Variants in ZNF254 observed in about 807,000 individuals in gnomAD.
The protein encoded by ZNF254 is zinc finger protein 254.
ZNF254 carries 10 observed loss-of-function variants against 12.4 expected under a neutral mutation model. That is an observed-to-expected ratio of 0.80 (90% CI 0.50 to 1.36). ZNF254 has a LOEUF of 1.36. Ranked by LOEUF, ZNF254 falls within the 40% of genes most tolerant of loss-of-function variation. ZNF254 has a pLI of 0.00. For synonymous variants in ZNF254, 305 were observed against 253.4 expected (o/e 1.20, Z -1.93); for missense variants, 996 against 763.9 (o/e 1.30, Z -3.58).
upstream of ZNF254, among the ~76,000 whole-genome samples, chr19:24,083,044 G>A (rs1447088508): frequency 1.3e-5 from 2 of 152,216 alleles, no homozygotes; most frequent in South Asian, 2.1e-4. Context: ...GTTCACTGAT[G>A]TTACAATCAT....
At chr19:24,062,282 T>G (rs1232674566) in intron 2 of ZNF254, among the ~76,000 whole-genome samples, 1 of 152,076 alleles carries the variant, frequency 6.6e-6, no homozygotes, top group African/African-American at 2.4e-5. Flanking sequence ...GTTTTTAGGA[T>G]TGTCATCCTC....
Position 24,126,542 on chromosome 19 carries a change from CT to C in ZNF254, c.545del (p.Phe182SerfsTer77). On this transcript the variant is annotated frameshift_variant, in exon 4 of 4. Coordinates refer to ENST00000357002, the MANE Select transcript of ZNF254 (RefSeq NM_203282.4). LOFTEE classifies it low-confidence loss of function (END_TRUNC). ...RPKIRHTEKK[S>X]FKCKKRVKLF... Reference sequence around the variant, plus strand: ...AAGATAAGACATACTGAAAAGAAATCTTTCAAATGTAAAAAACGTGTCAAAT... The same window carrying C: ...AAGATAAGACATACTGAAAAGAAATCTTCAAATGTAAAAAACGTGTCAAAT... The C allele has an allele frequency of 1.2e-6, 2 of 1,601,738 alleles. No individual in the cohort carries two copies. The highest frequency in any genetic ancestry group is 1.8e-5 in the Admixed American group (1 of 56,812).
chr19:24,107,801 A>G lies in ZNF254; in HGVS notation c.253+1158A>G, dbSNP rs905531450. Among the ~76,000 whole-genome samples, 8 of 152,220 alleles carry G rather than the reference A, an allele frequency of 5.3e-5. No homozygotes were observed. The South Asian group carries it at 1.0e-3, about 20-fold the overall frequency. On this transcript the variant is annotated intron_variant, in intron 3 of 3. Coordinates refer to ENST00000357002, the MANE Select transcript of ZNF254 (RefSeq NM_203282.4). ...TTTCTATAAACTGGTTTCAGAAAGTAAAAATGTGTTTTTGTTGGGCCCCCA... is the reference window on the plus strand; with the variant it reads ...TTTCTATAAACTGGTTTCAGAAAGTGAAAATGTGTTTTTGTTGGGCCCCCA...
chr19:24,092,573 A>G (rs1283120607), intron 1 of ZNF254, among the ~76,000 whole-genome samples: 2 of 151,008 alleles, frequency 1.3e-5, no homozygotes, highest in East Asian at 3.9e-4. Context: ...TAGAGATGGG[A>G]TTTTTCCATG....
chr19:24,127,141 T>C lies in ZNF254; in HGVS notation c.1141T>C (p.Leu381=). The C allele has an allele frequency of 6.2e-7, 1 of 1,610,282 alleles. No homozygotes were observed. The highest frequency in any genetic ancestry group is 1.1e-5 in the South Asian group (1 of 90,884). ...TACTGGAGAGAAACGCTACAAATGC[T>C]TAGAATGTGGCAAAGCTTTTAAGCA... is the stretch of plus-strand genomic sequence containing the variant. ...IHTGEKRYKC[L]ECGKAFKQLS... Residue 381 remains leucine (L), a synonymous_variant, in exon 4 of 4, where the codon TTA becomes CTA. Coordinates refer to ENST00000357002, the MANE Select transcript of ZNF254 (RefSeq NM_203282.4).
intron 3 of ZNF254, among the ~76,000 whole-genome samples, chr19:24,119,644 A>C (rs1207640168): frequency 6.6e-6 from 1 of 151,970 alleles, no homozygotes; most frequent in African/African-American, 2.4e-5. Flanking sequence ...GTGTAGCTTC[A>C]TGTCCTCCCA....
At chr19:24,084,450 C>T (rs186216376), upstream of ZNF254, among the ~76,000 whole-genome samples, 13 of 151,910 alleles carry the variant, frequency 8.6e-5, no homozygotes, top group African/African-American at 2.9e-4. Context: ...ATATTGGGTA[C>T]AGTGCACACT....
chr19:24,040,876 GGTATTAGAT>G (rs1970129214), intron 1 of ZNF254, among the ~76,000 whole-genome samples: 1 of 152,220 alleles, frequency 6.6e-6, no homozygotes, highest in Non-Finnish European at 1.5e-5. Context: ...TTGCAATAAA[GGTATTAGAT>G]GTAAGGGACT....
chr19:24,069,307 A>G (rs771752311), intron 2 of ZNF254, among the ~76,000 whole-genome samples: 1 of 149,776 alleles, frequency 6.7e-6, no homozygotes, highest in Non-Finnish European at 1.5e-5. Context: ...CTCCCAGCCC[A>G]AGATTGTGTT....
At chr19:24,049,181 G>GT (rs1477205906) in intron 2 of ZNF254, among the ~76,000 whole-genome samples, 1 of 31,846 alleles carries the variant, frequency 3.1e-5, no homozygotes, top group Admixed American at 3.8e-4. Flanking sequence ...TCAGGCTCTG[G>GT]TTTTATATAT....
At chr19:24,080,093 TC>T (rs1180880029) in intron 2 of ZNF254, 5 of 152,100 alleles carry the variant, frequency 3.3e-5, no homozygotes, top group Non-Finnish European at 4.4e-5. Flanking sequence ...CAGCTATGGG[TC>T]CCCAAACTTC....
Position 24,127,770 on chromosome 19 carries a change from T to TAA in ZNF254, c.1772_1773dup (p.His592AsnfsTer4), listed in dbSNP as rs781602215. The TAA allele has an allele frequency of 5.0e-6, 8 of 1,612,210 alleles. No individual in the cohort carries two copies. The highest frequency in any genetic ancestry group is 3.3e-4 in the Middle Eastern group (2 of 6,070). ...CTTTTAACCGGTCTTCAACTTTTAC[T>TAA]AAACATAAGGTAATTCATACTGGAG... On this transcript the variant is annotated frameshift_variant, in exon 4 of 4. Coordinates refer to ENST00000357002, the MANE Select transcript of ZNF254 (RefSeq NM_203282.4). LOFTEE classifies it low-confidence loss of function (END_TRUNC).
Position 24,126,695 on chromosome 19 carries a change from A to T in ZNF254, c.695A>T (p.Tyr232Phe). ...SSTLTNHRKI[Y>F]TEEKPYKCEE... is the part of the protein sequence containing the mutation. ...ACCCTTACTAATCATAGGAAAATTTATACTGAAGAGAAACCTTACAAATGT... is the reference window on the plus strand; with the variant it reads ...ACCCTTACTAATCATAGGAAAATTTTTACTGAAGAGAAACCTTACAAATGT... The change falls in exon 4 of 4, where the codon TAT becomes TTT. Residue 232 changes from tyrosine (Y) to phenylalanine (F), a missense_variant. Transcript: ENST00000357002. 6.2e-7 allele frequency: 1 copy of T among 1,613,472 alleles called. No individual in the cohort carries two copies. The highest frequency in any genetic ancestry group is 2.2e-5 in the East Asian group (1 of 44,822).
At chr19:24,111,305 GTATTC>G (rs1376043793) in intron 3 of ZNF254, among the ~76,000 whole-genome samples, 5 of 152,126 alleles carry the variant, frequency 3.3e-5, no homozygotes, top group African/African-American at 1.2e-4. Flanking sequence ...TGGCTGCATA[GTATTC>G]CATGGTGTAT....
At chr19:24,039,512 C>T (rs1970083954) in intron 1 of ZNF254, among the ~76,000 whole-genome samples, 1 of 152,148 alleles carries the variant, frequency 6.6e-6, no homozygotes, top group East Asian at 1.9e-4. Flanking sequence ...GCAACCTCTG[C>T]CTCCCTGGTT....
rs761465399 is a variant in ZNF254, at chr19:24,126,519, G to A, written c.519G>A (p.Lys173=). Residue 173 remains lysine (K), a synonymous_variant, in exon 4 of 4, where the codon AAG becomes AAA. Coordinates refer to ENST00000357002, the MANE Select transcript of ZNF254 (RefSeq NM_203282.4). ...AATTTTTAAATTCAAACAGACCTAAGATAAGACATACTGAAAAGAAATCTT... is the reference window on the plus strand; with the variant it reads ...AATTTTTAAATTCAAACAGACCTAAAATAAGACATACTGAAAAGAAATCTT... The part of the protein sequence containing the change: ...FYKFLNSNRP[K]IRHTEKKSFK... 14 of 1,599,534 alleles carry A rather than the reference G, an allele frequency of 8.8e-6. No homozygotes were observed. In the South Asian group the frequency reaches 1.5e-4, roughly 17 times the overall value.
At chr19:24,052,623 T>A (rs1314093541) in intron 2 of ZNF254, among the ~76,000 whole-genome samples, 1 of 152,232 alleles carries the variant, frequency 6.6e-6, no homozygotes, top group Non-Finnish European at 1.5e-5. Context: ...GATGTGACTC[T>A]GCTGACTATA....
At chr19:24,066,815 G>A (rs779478963) in intron 2 of ZNF254, 4 of 152,254 alleles carry the variant, frequency 2.6e-5, no homozygotes, top group African/African-American at 7.2e-5. Flanking sequence ...CAGGATAATC[G>A]CTTAAGTCCA....
chr19:24,086,430 C>G (rs941332617), upstream of ZNF254, among the ~76,000 whole-genome samples: 3 of 151,894 alleles, frequency 2.0e-5, no homozygotes, highest in Non-Finnish European at 4.4e-5. Flanking sequence ...CTCAGCCACC[C>G]GAGAAGCTGG....
Sources: gnomAD v4.1 joint callset for allele counts (sites outside exome capture counted in the v4.1 genomes callset) on GRCh38, gnomAD v4.1.1 for gene constraint, MANE v1.5 for transcripts, NCBI Gene and HGNC (gene_info 2026-07-23, HGNC 2026-07-21) for gene names.